NLGN1: variants seen among roughly 807,000 people sequenced by gnomAD.
NLGN1 encodes neuroligin 1, also known as neuroligin-1.
NLGN1 carries 12 observed loss-of-function variants against 65.5 expected under a neutral mutation model. The ratio of observed to expected loss-of-function variants is 0.18; its 90% confidence interval spans 0.12 to 0.30. The LOEUF (loss-of-function observed/expected upper bound fraction) is 0.30, where lower values mean the gene tolerates loss of function less well. Ranked by LOEUF, NLGN1 falls within the 10% of genes least tolerant of loss-of-function variation. The probability of loss-of-function intolerance (pLI) is 1.00; values close to 1 mark genes in which losing one functional copy is unlikely to be tolerated. For synonymous variants in NLGN1, 350 were observed against 359.5 expected (o/e 0.97, Z 0.30); for missense variants, 750 against 1,007.1 (o/e 0.74, Z 3.46).
At chr3:173,846,791 C>T (rs1303829687) in intron 4 of NLGN1, among the ~76,000 whole-genome samples, 1 of 152,216 alleles carries the variant, frequency 6.6e-6, no homozygotes, top group Non-Finnish European at 1.5e-5. Context: ...GTGTCTGCTT[C>T]TCTGCCTTCC....
chr3:173,667,700 G>A (rs1577846927), intron 3 of NLGN1, among the ~76,000 whole-genome samples: 1 of 152,056 alleles, frequency 6.6e-6, no homozygotes, highest in East Asian at 1.9e-4. Context: ...CTTGATCTTG[G>A]CTCACTGCAA....
chr3:174,076,770 C>T (rs925066538), intron 4 of NLGN1, among the ~76,000 whole-genome samples: 2 of 146,768 alleles, frequency 1.4e-5, no homozygotes, highest in African/African-American at 5.1e-5. Context: ...TGTTTATCCT[C>T]ACATGTGTGT....
At chr3:174,070,985 G>A (rs1013603578) in intron 4 of NLGN1, among the ~76,000 whole-genome samples, 1 of 152,016 alleles carries the variant, frequency 6.6e-6, no homozygotes, top group African/African-American at 2.4e-5. Flanking sequence ...AGCCCAGGAG[G>A]TCAAGGCTGC....
At chr3:173,872,455 A>G (rs1731351171) in intron 4 of NLGN1, among the ~76,000 whole-genome samples, 1 of 152,182 alleles carries the variant, frequency 6.6e-6, no homozygotes, top group Admixed American at 6.5e-5. Context: ...AAACATGACC[A>G]CTGGATTTTT....
intron 3 of NLGN1, among the ~76,000 whole-genome samples, chr3:173,791,529 T>A (rs1383165198): frequency 2.0e-5 from 3 of 151,798 alleles, no homozygotes; most frequent in African/African-American, 7.2e-5. Context: ...TGTTTTTTTT[T>A]TTTTCTTTTA....
intron 2 of NLGN1, among the ~76,000 whole-genome samples, chr3:173,498,958 T>G (rs1730520719): frequency 6.6e-6 from 1 of 151,648 alleles, no homozygotes; most frequent in South Asian, 2.1e-4. Flanking sequence ...ATATTAGCCC[T>G]TTGTCAGATG....
intron 4 of NLGN1, among the ~76,000 whole-genome samples, chr3:174,178,320 C>T (rs1433943049): frequency 2.0e-5 from 3 of 152,080 alleles, no homozygotes; most frequent in African/African-American, 7.2e-5. Context: ...TAGACCTGTT[C>T]CAACATCTAC....
At chr3:173,531,098 G>A (rs113768078) in intron 2 of NLGN1, among the ~76,000 whole-genome samples, 4,364 of 152,032 alleles carry the variant, frequency 0.029, 199 homozygotes, top group African/African-American at 0.096. Flanking sequence ...TTATGGCTGT[G>A]TATTGTGACA....
intron 3 of NLGN1, among the ~76,000 whole-genome samples, chr3:173,704,931 A>G (rs911104388): frequency 6.6e-6 from 1 of 152,142 alleles, no homozygotes; most frequent in Admixed American, 6.5e-5. Flanking sequence ...TTCTGAGGCA[A>G]CTATACTCCT....
At chr3:173,956,334 TTTGAAA>T (rs1712032025) in intron 4 of NLGN1, among the ~76,000 whole-genome samples, 4 of 152,166 alleles carry the variant, frequency 2.6e-5, no homozygotes, top group Admixed American at 2.6e-4. Flanking sequence ...AATAAGAATG[TTTGAAA>T]TTGACCAAAA....
chr3:173,673,363 A>G (rs1762708426), intron 3 of NLGN1, among the ~76,000 whole-genome samples: 1 of 152,170 alleles, frequency 6.6e-6, no homozygotes, highest in African/African-American at 2.4e-5. Context: ...ATGCCTTTCT[A>G]TTTGCCATGG....
intron 4 of NLGN1, among the ~76,000 whole-genome samples, chr3:173,855,105 A>G (rs1056106979): frequency 2.0e-5 from 3 of 152,110 alleles, no homozygotes; most frequent in Non-Finnish European, 4.4e-5. Context: ...ACGCTTTAAC[A>G]GTGTTTGACA....
chr3:174,056,373 T>G (rs942019713), intron 4 of NLGN1, among the ~76,000 whole-genome samples: 1 of 152,024 alleles, frequency 6.6e-6, no homozygotes, highest in Non-Finnish European at 1.5e-5. Flanking sequence ...ATAATATTTT[T>G]TCTACTGAAA....
chr3:173,654,823 A>G lies in NLGN1; in HGVS notation c.493+49732A>G, dbSNP rs2149662618. Among the ~76,000 whole-genome samples, 4 of 152,322 alleles carry G rather than the reference A, an allele frequency of 2.6e-5. No homozygotes were observed. The East Asian group carries it at 5.8e-4, about 22-fold the overall frequency. On this transcript the variant is annotated intron_variant, in intron 3 of 6. Transcript: ENST00000457714. ...ATTGAAATGGCCAATGTAGTTAGAC[A>G]GATATCCAGTTTGCATAGGAGGAAA...
intron 4 of NLGN1, among the ~76,000 whole-genome samples, chr3:173,860,095 T>C (rs948047570): frequency 6.6e-6 from 1 of 152,024 alleles, no homozygotes; most frequent in Non-Finnish European, 1.5e-5. Flanking sequence ...TTCTTATTCT[T>C]CCTTTGTATT....
chr3:173,777,634 T>TATCTATC (rs1194119993), intron 3 of NLGN1, among the ~76,000 whole-genome samples: 4 of 9,504 alleles, frequency 4.2e-4, no homozygotes, highest in East Asian at 3.7e-3. Context: ...TCTGTCTGTC[T>TATCTATC]ATCTATCTAT....
At chr3:173,970,446 T>A (rs1180584218) in intron 4 of NLGN1, among the ~76,000 whole-genome samples, 1 of 152,050 alleles carries the variant, frequency 6.6e-6, no homozygotes, top group Admixed American at 6.6e-5. Flanking sequence ...TGCCGGAAGT[T>A]CAGTGTGGCT....
intron 3 of NLGN1, among the ~76,000 whole-genome samples, chr3:173,625,484 A>G (rs928474754): frequency 6.6e-6 from 1 of 152,146 alleles, no homozygotes; most frequent in Non-Finnish European, 1.5e-5. Context: ...ATGCTTTTGC[A>G]CTTTTCCAAA....
At chr3:173,462,670 T>G (rs1367343274) in intron 2 of NLGN1, among the ~76,000 whole-genome samples, 2 of 152,196 alleles carry the variant, frequency 1.3e-5, no homozygotes, top group Non-Finnish European at 2.9e-5. Flanking sequence ...TGCTTTCATA[T>G]CAGTGCAACA....
Sources: allele counts gnomAD v4.1 joint callset (sites outside exome capture counted in the v4.1 genomes callset), GRCh38; gene constraint gnomAD v4.1.1; transcripts MANE v1.5; gene names NCBI Gene and HGNC (gene_info 2026-07-23, HGNC 2026-07-21).